Variants in DOCK1 observed in about 807,000 individuals in gnomAD.
DOCK1 encodes the protein dedicator of cytokinesis protein 1.
Under a neutral mutation model 262.7 loss-of-function variants are expected in DOCK1, and 138 were observed. The observed-to-expected ratio is 0.53, with a 90% confidence interval of 0.46 to 0.61. The LOEUF is 0.61. Among genes scored for constraint, DOCK1 ranks in the 20% least tolerant of loss-of-function variants. The pLI is 0.00. For missense variants in DOCK1, 1,908 were observed against 2,370.7 expected, an observed-to-expected ratio of 0.80 and a Z score of 4.05; for synonymous variants, 866 against 867.4, an observed-to-expected ratio of 1.00 and a Z score of 0.03.
At chr10:127,296,801 G>T (rs149636652) in intron 29 of DOCK1, among the ~76,000 whole-genome samples, 5 of 152,136 alleles carry the variant, frequency 3.3e-5, no homozygotes, top group African/African-American at 9.7e-5. Flanking sequence ...TCACAGTTGT[G>T]GGGGAGGCTT....
At chr10:127,056,059 C>CT (rs1328151770) in intron 22 of DOCK1, among the ~76,000 whole-genome samples, 1 of 152,158 alleles carries the variant, frequency 6.6e-6, no homozygotes, top group African/African-American at 2.4e-5. Context: ...ACAAAGTGGT[C>CT]ACAAGACAAG....
At chr10:127,313,853 C>T (rs1159685470) in intron 29 of DOCK1, among the ~76,000 whole-genome samples, 1 of 151,828 alleles carries the variant, frequency 6.6e-6, no homozygotes, top group African/African-American at 2.4e-5. Context: ...ACTCTTGGCT[C>T]TTTGGCTCCC....
At chr10:127,095,011 A>G (rs2047822585) in intron 23 of DOCK1, among the ~76,000 whole-genome samples, 1 of 152,230 alleles carries the variant, frequency 6.6e-6, no homozygotes, top group African/African-American at 2.4e-5. Context: ...CTGTGCTGGT[A>G]TCAAGTGAAA....
chr10:126,928,762 G>T (rs1421037824), intron 1 of DOCK1, among the ~76,000 whole-genome samples: 1 of 152,258 alleles, frequency 6.6e-6, no homozygotes, highest in East Asian at 1.9e-4. Flanking sequence ...AAGCCAAGGA[G>T]TGGAGGCTCT....
intron 1 of DOCK1, among the ~76,000 whole-genome samples, chr10:126,928,102 G>T (rs2033902189): frequency 6.6e-6 from 1 of 152,206 alleles, no homozygotes; most frequent in East Asian, 1.9e-4. Flanking sequence ...CTAGCCTCGT[G>T]TCGCTCGTTG....
intron 29 of DOCK1, among the ~76,000 whole-genome samples, chr10:127,277,622 G>A (rs575416907): frequency 6.6e-6 from 1 of 152,112 alleles, no homozygotes; most frequent in Non-Finnish European, 1.5e-5. Flanking sequence ...TATTAGCTGG[G>A]TGTGGTGGCG....
At chr10:127,328,702 T>G (rs2062848860) in intron 29 of DOCK1, among the ~76,000 whole-genome samples, 1 of 152,070 alleles carries the variant, frequency 6.6e-6, no homozygotes, top group South Asian at 2.1e-4. Flanking sequence ...TGGGTGTGTG[T>G]TTGTTTATGC....
Position 126,909,223 on chromosome 10 carries a change from C to G in DOCK1, c.46+3660C>G, listed in dbSNP as rs532450791. Among the ~76,000 whole-genome samples, 14 of 152,202 alleles carry G rather than the reference C, an allele frequency of 9.2e-5. 1 individual carries two copies. In the South Asian group the frequency reaches 2.9e-3, roughly 32 times the overall value. On this transcript the variant is annotated intron_variant, in intron 1 of 51. Transcript: ENST00000623213. ...TCACTTGCAAGGACCAGAGAGAGGC[C>G]TCAGGGAGCTACGGGAGGCCCCTAG...
At chr10:127,182,337 C>T (rs1337807736) in intron 27 of DOCK1, among the ~76,000 whole-genome samples, 1 of 152,108 alleles carries the variant, frequency 6.6e-6, no homozygotes, top group East Asian at 1.9e-4. Flanking sequence ...TTGCTTTAGC[C>T]ACATAATGTA....
chr10:127,222,199 A>G (rs997613720), intron 27 of DOCK1, among the ~76,000 whole-genome samples: 1 of 152,232 alleles, frequency 6.6e-6, no homozygotes, highest in African/African-American at 2.4e-5. Context: ...GCAGGAGTTC[A>G]GATGTGAAAT....
intron 3 of DOCK1, among the ~76,000 whole-genome samples, chr10:126,979,684 C>T (rs1257283634): frequency 6.6e-6 from 1 of 152,128 alleles, no homozygotes; most frequent in South Asian, 2.1e-4. Flanking sequence ...AACACAGTAG[C>T]GCTGGGTAGG....
intron 29 of DOCK1, among the ~76,000 whole-genome samples, chr10:127,288,174 C>A (rs1223904293): frequency 6.6e-6 from 1 of 152,098 alleles, no homozygotes; most frequent in Non-Finnish European, 1.5e-5. Flanking sequence ...AGTTATGATT[C>A]TTTTTGCTGA....
chr10:127,097,086 C>G lies in DOCK1; in HGVS notation c.2446-9145C>G, dbSNP rs562939190. 3.3e-5 allele frequency among the ~76,000 whole-genome samples: 5 copies of G among 152,088 alleles called. No homozygotes were observed. The South Asian group carries it at 1.0e-3, about 32-fold the overall frequency. ...CACCATTACACTCCAGCCTGGGCAA[C>G]AGAGTGAGACTCTATCTCAGAAAGG... On this transcript the variant is annotated intron_variant, in intron 23 of 51. Transcript: ENST00000623213.
chr10:127,208,789 C>T (rs747130904), intron 27 of DOCK1, among the ~76,000 whole-genome samples: 10 of 152,072 alleles, frequency 6.6e-5, no homozygotes, highest in Non-Finnish European at 1.0e-4. Context: ...TGATATCTAA[C>T]GTTGAGATGT....
intron 27 of DOCK1, among the ~76,000 whole-genome samples, chr10:127,143,860 A>G (rs2051519035): frequency 6.6e-6 from 1 of 152,124 alleles, no homozygotes; most frequent in Admixed American, 6.5e-5. Context: ...TTCTGAACAC[A>G]TCTCCGTGTG....
chr10:127,248,209 A>G (rs1041652788), intron 28 of DOCK1, 100 bp downstream of exon 28: 3 of 1,056,684 alleles, frequency 2.8e-6, no homozygotes, highest in Admixed American at 4.6e-5. Context: ...AGGATTTTGC[A>G]TGAGAACTTG....
intron 29 of DOCK1, among the ~76,000 whole-genome samples, chr10:127,276,682 G>A (rs540654717): frequency 8.9e-4 from 136 of 152,134 alleles, no homozygotes; most frequent in Non-Finnish European, 1.4e-3. Context: ...CCTCTGCTCC[G>A]AGCTCCTTTA....
intron 23 of DOCK1, among the ~76,000 whole-genome samples, chr10:127,094,545 G>A (rs1241606797): frequency 6.6e-6 from 1 of 152,292 alleles, no homozygotes; most frequent in East Asian, 1.9e-4. Context: ...GCTAGAGCCT[G>A]GGACAGCGAG....
chr10:127,168,284 G>T (rs1278078520), intron 27 of DOCK1, among the ~76,000 whole-genome samples: 1 of 152,224 alleles, frequency 6.6e-6, no homozygotes, highest in African/African-American at 2.4e-5. Context: ...TATGATAAAT[G>T]TGGAGAGAGA....
Sources: gnomAD v4.1 joint callset for allele counts (sites outside exome capture counted in the v4.1 genomes callset) on GRCh38, gnomAD v4.1.1 for gene constraint, MANE v1.5 for transcripts, NCBI Gene and HGNC (gene_info 2026-07-23, HGNC 2026-07-21) for gene names.